Variants in ARNT2 observed in about 807,000 individuals in gnomAD.
The protein encoded by ARNT2 is ARNT protein 2.
A neutral mutation model predicts 91.7 loss-of-function variants in ARNT2; 36 were observed. The ratio of observed to expected loss-of-function variants is 0.39; its 90% CI spans 0.30 to 0.52. ARNT2 has a LOEUF of 0.52. Among genes scored for constraint, ARNT2 ranks in the 20% least tolerant of loss-of-function variants. The probability of loss-of-function intolerance (pLI) is 0.72; values close to 1 mark genes in which losing one functional copy is unlikely to be tolerated. For synonymous variants in ARNT2, 365 were observed against 347.1 expected (o/e 1.05, Z -0.57); for missense variants, 775 against 939.3 (o/e 0.83, Z 2.29).
chr15:80,456,332 G>A (rs1436977264), intron 2 of ARNT2, among the ~76,000 whole-genome samples: 5 of 151,216 alleles, frequency 3.3e-5, no homozygotes, highest in African/African-American at 1.2e-4. Context: ...TTGTGCGTAG[G>A]TATTTCTGTT....
intron 3 of ARNT2, among the ~76,000 whole-genome samples, chr15:80,468,629 C>T (rs779785336): frequency 2.7e-5 from 4 of 147,954 alleles, no homozygotes; most frequent in African/African-American, 1.1e-4. Context: ...AGCCCCAGGA[C>T]CACCTCCTCC....
intron 5 of ARNT2, among the ~76,000 whole-genome samples, chr15:80,507,933 G>T (rs1292396156): frequency 1.3e-5 from 2 of 152,166 alleles, no homozygotes; most frequent in Non-Finnish European, 2.9e-5. Flanking sequence ...GAGACAGCAA[G>T]TGTAGACGGC....
At chr15:80,458,042 C>G (rs1328404560) in intron 3 of ARNT2, 66 bp downstream of exon 3, 5 of 1,521,272 alleles carry the variant, frequency 3.3e-6, no homozygotes, top group Middle Eastern at 1.7e-4. Flanking sequence ...TAGAAAGATA[C>G]AAGAATGTAA....
chr15:80,462,940 T>G (rs1294290995), intron 3 of ARNT2, among the ~76,000 whole-genome samples: 2 of 152,192 alleles, frequency 1.3e-5, no homozygotes, highest in African/African-American at 4.8e-5. Context: ...TTTTCCCCCC[T>G]GGCTTTATAG....
rs141556939 is a variant in ARNT2 at position 80,579,408 on chromosome 15, GT to G, written c.1614-1000del. On this transcript the variant is annotated intron_variant, in intron 15 of 18. Coordinates refer to ENST00000303329, the MANE Select transcript of ARNT2 (RefSeq NM_014862.4). ...CTCAAGAATGTCTCTGACATTCTTG[GT>G]TTCTCCCTATTTTAAAAGGGATCAG... 3.4e-3 allele frequency among the ~76,000 whole-genome samples: 516 copies of G among 152,232 alleles called. 3 individuals carry two copies. The highest frequency in any genetic ancestry group is 0.011 in the African/African-American group (450 of 41,536).
chr15:80,441,287 G>C, intron 1 of ARNT2: 8 of 985,114 alleles, frequency 8.1e-6, no homozygotes, highest in Non-Finnish European at 9.6e-6. Flanking sequence ...CCTCCCAGAG[G>C]TTTCTGACAT....
chr15:80,418,873 CTCAT>C (rs376908738), intron 1 of ARNT2, among the ~76,000 whole-genome samples: 1 of 152,178 alleles, frequency 6.6e-6, no homozygotes, highest in Non-Finnish European at 1.5e-5. Flanking sequence ...TTCATTTGTC[CTCAT>C]TCATTCATTC....
intron 11 of ARNT2, among the ~76,000 whole-genome samples, chr15:80,557,148 C>T (rs1596011871): frequency 6.6e-6 from 1 of 152,128 alleles, no homozygotes; most frequent in East Asian, 1.9e-4. Flanking sequence ...CAAATTTATG[C>T]CACGTATGTG....
chr15:80,429,075 G>A (rs2141567350), intron 1 of ARNT2, among the ~76,000 whole-genome samples: 1 of 152,338 alleles, frequency 6.6e-6, no homozygotes, highest in South Asian at 2.1e-4. Flanking sequence ...ATACTGCTTA[G>A]TTGAAGTTCC....
chr15:80,540,829 A>C (rs1168280897), intron 8 of ARNT2, among the ~76,000 whole-genome samples: 5 of 152,072 alleles, frequency 3.3e-5, no homozygotes, highest in African/African-American at 4.8e-5. Context: ...ACATGATTTC[A>C]TTCTTTTTTA....
chr15:80,477,217 T>A (rs1426198118), intron 5 of ARNT2, among the ~76,000 whole-genome samples: 1 of 152,170 alleles, frequency 6.6e-6, no homozygotes, highest in Non-Finnish European at 1.5e-5. Context: ...AATTACCCAG[T>A]CTCAGGTATT....
intron 16 of ARNT2, 79 bp from the exon 17 acceptor site, chr15:80,581,160 C>T (rs536343300): frequency 8.4e-6 from 13 of 1,548,834 alleles, no homozygotes; most frequent in East Asian, 6.8e-5. Context: ...ACTGCCCCTG[C>T]GACCAGCCTG....
chr15:80,595,185 C>A lies in ARNT2; in HGVS notation c.*1487C>A. 6.6e-6 allele frequency: 1 copy of A among 152,462 alleles called. No individual in the cohort carries two copies. Among genetic ancestry groups the A allele is most frequent in the Non-Finnish European group, 1.5e-5 (1 of 68,168 alleles). 9.4% of individuals were successfully genotyped at this position (152,462 alleles called of 1,614,324 possible). On this transcript the variant is annotated 3_prime_UTR_variant, in exon 19 of 19. Coordinates refer to ENST00000303329, the MANE Select transcript of ARNT2 (RefSeq NM_014862.4). The stretch of plus-strand genomic sequence containing the variant: ...TGTTTCCTTCCTTTTGTGACCATTA[C>A]GCCCCCTCCCTGTTTCTTATCACCA...
At chr15:80,507,598 A>G (rs184544146) in intron 5 of ARNT2, among the ~76,000 whole-genome samples, 1 of 152,284 alleles carries the variant, frequency 6.6e-6, no homozygotes, top group Non-Finnish European at 1.5e-5. Context: ...GTGACTGTCA[A>G]AACCTGGGTG....
At chr15:80,588,990 T>A (rs1265299751) in intron 17 of ARNT2, among the ~76,000 whole-genome samples, 1 of 152,142 alleles carries the variant, frequency 6.6e-6, no homozygotes, top group African/African-American at 2.4e-5. Context: ...CAGGAAATAT[T>A]TGCCAAGTGA....
intron 1 of ARNT2, among the ~76,000 whole-genome samples, chr15:80,430,324 G>A (rs574599010): frequency 6.6e-6 from 1 of 152,252 alleles, no homozygotes; most frequent in Admixed American, 6.5e-5. Flanking sequence ...CTCCACACCC[G>A]GCTGGCCACT....
intron 5 of ARNT2, among the ~76,000 whole-genome samples, chr15:80,484,613 T>G (rs1406168567): frequency 6.6e-6 from 1 of 152,264 alleles, no homozygotes; most frequent in African/African-American, 2.4e-5. Flanking sequence ...TTTTTTCTCA[T>G]ATTTTATGTT....
At chr15:80,514,068 A>C (rs973599851) in intron 7 of ARNT2, 92 bp downstream of exon 7, 3 of 1,291,224 alleles carry the variant, frequency 2.3e-6, no homozygotes, top group Non-Finnish European at 1.1e-6. Flanking sequence ...GAAGGGGCTT[A>C]GTGTGGTGAG....
At chr15:80,438,227 TA>T (rs1896123609) in intron 1 of ARNT2, among the ~76,000 whole-genome samples, 1 of 152,256 alleles carries the variant, frequency 6.6e-6, no homozygotes, top group African/African-American at 2.4e-5. Context: ...CTCCTGTGCT[TA>T]CCATGCTGCA....
Sources: allele counts gnomAD v4.1 joint callset (sites outside exome capture counted in the v4.1 genomes callset), GRCh38; gene constraint gnomAD v4.1.1; transcripts MANE v1.5; gene names NCBI Gene and HGNC (gene_info 2026-07-23, HGNC 2026-07-21).